FSHR: variants seen among roughly 807,000 people sequenced by gnomAD.
The protein encoded by FSHR is follicle-stimulating hormone receptor.
In FSHR, 46 loss-of-function variants were observed where a neutral mutation model predicts 52.1. The observed-to-expected ratio is 0.88, with a 90% CI of 0.70 to 1.13. The LOEUF (loss-of-function observed/expected upper bound fraction) is 1.13. Among genes scored for constraint, FSHR ranks in the 50% most tolerant of loss-of-function variants. The probability of loss-of-function intolerance (pLI) is 0.00; values close to 1 mark genes in which losing one functional copy is unlikely to be tolerated. For missense variants in FSHR, 964 were observed against 834.6 expected (o/e 1.16, Z -1.91); for synonymous variants, 399 against 309.6 (o/e 1.29, Z -3.03).
At chr2:49,114,502 T>C (rs904305715) in intron 1 of FSHR, among the ~76,000 whole-genome samples, 8 of 152,176 alleles carry the variant, frequency 5.3e-5, no homozygotes, top group Non-Finnish European at 1.0e-4. Flanking sequence ...GGAAGTTCCA[T>C]CTTCAGACTG....
intron 1 of FSHR, among the ~76,000 whole-genome samples, chr2:49,138,149 A>T (rs557981876): frequency 1.3e-5 from 2 of 152,318 alleles, no homozygotes; most frequent in South Asian, 4.1e-4. Context: ...GGGAAAGGCA[A>T]ATAAAAACCA....
intron 1 of FSHR, among the ~76,000 whole-genome samples, chr2:49,135,529 C>A (rs1250174854): frequency 6.6e-6 from 1 of 151,978 alleles, no homozygotes; most frequent in Non-Finnish European, 1.5e-5. Flanking sequence ...AAATTAATAA[C>A]CCAACCTTCA....
intron 4 of FSHR, among the ~76,000 whole-genome samples, chr2:49,000,578 A>G (rs1210115249): frequency 1.3e-5 from 2 of 152,164 alleles, no homozygotes; most frequent in Non-Finnish European, 2.9e-5. Context: ...AACCAGTTAC[A>G]CAATTCTTAA....
chr2:49,082,793 G>GA (rs1225841912), intron 1 of FSHR, among the ~76,000 whole-genome samples: 1 of 152,106 alleles, frequency 6.6e-6, no homozygotes, highest in African/African-American at 2.4e-5. Context: ...GAAGTTTAGA[G>GA]AAAAAAGAAT....
chr2:48,988,988 T>C lies in FSHR; in HGVS notation c.513A>G (p.Glu171=). ...TCCCCCTTACTTACAGAATCACACT[T>C]TCAAAGCTCAGCCCCACGAAAGAAT... ...ERNSFVGLSF[E]SVILWLNKNG... The change falls in exon 6 of 10, where the codon GAA becomes GAG. Residue 171 remains glutamate (E), a synonymous_variant. Coordinates refer to ENST00000406846, the MANE Select transcript of FSHR (RefSeq NM_000145.4). 2 of 1,613,802 alleles carry C rather than the reference T, an allele frequency of 1.2e-6. No homozygotes were observed. Among genetic ancestry groups the C allele is most frequent in the Non-Finnish European group, 8.5e-7 (1 of 1,179,746 alleles).
chr2:48,964,059 C>G, intron 9 of FSHR, 93 bp from the exon 10 acceptor site: 1 of 1,350,306 alleles, frequency 7.4e-7, no homozygotes, highest in Non-Finnish European at 1.0e-6. Flanking sequence ...TGATGAGTTT[C>G]TTCCTGAGAT....
chr2:48,997,310 A>T, intron 4 of FSHR: 1 of 985,024 alleles, frequency 1.0e-6, no homozygotes, highest in Non-Finnish European at 1.2e-6. Context: ...TCTCATATTT[A>T]ACTGGAACTC....
chr2:49,037,372 T>C (rs987035460), intron 2 of FSHR, among the ~76,000 whole-genome samples: 2 of 152,220 alleles, frequency 1.3e-5, no homozygotes, highest in Admixed American at 1.3e-4. Flanking sequence ...GTGATCCCCA[T>C]TGAACACACT....
At chr2:49,086,419 G>T (rs1670393984) in intron 1 of FSHR, among the ~76,000 whole-genome samples, 1 of 152,144 alleles carries the variant, frequency 6.6e-6, no homozygotes, top group African/African-American at 2.4e-5. Flanking sequence ...TAAGTTGTCA[G>T]TGAGTCAGAG....
chr2:49,005,800 A>G (rs1416189248), intron 4 of FSHR, among the ~76,000 whole-genome samples: 1 of 152,176 alleles, frequency 6.6e-6, no homozygotes, highest in Non-Finnish European at 1.5e-5. Flanking sequence ...GTGATGGTTA[A>G]TATTGAGTGC....
At chr2:49,009,022 C>T (rs12477939) in intron 4 of FSHR, among the ~76,000 whole-genome samples, 97,874 of 146,420 alleles carry the variant, frequency 0.67, 34,143 homozygotes, top group Admixed American at 0.77. Context: ...GCAGAAGCTC[C>T]TTACTTTAAT....
At chr2:48,995,309 G>A (rs1488152449) in intron 4 of FSHR, among the ~76,000 whole-genome samples, 1 of 152,114 alleles carries the variant, frequency 6.6e-6, no homozygotes, top group Non-Finnish European at 1.5e-5. Flanking sequence ...GCTACTGATT[G>A]TGAATGCTTT....
Position 48,962,417 on chromosome 2 carries a change from G to T in FSHR, c.*316C>A. 1 of 340,036 alleles carries T rather than the reference G, an allele frequency of 2.9e-6. No homozygotes were observed. 21.1% of individuals were successfully genotyped at this position (340,036 alleles called of 1,614,324 possible). On this transcript the variant is annotated 3_prime_UTR_variant, in exon 10 of 10. Coordinates refer to ENST00000406846, the MANE Select transcript of FSHR (RefSeq NM_000145.4). ...TTGTAAAACTCCAAGAATAATCCCT[G>T]TCCTGCTTATTTAACAGGGATCACT...
intron 1 of FSHR, among the ~76,000 whole-genome samples, chr2:49,142,866 T>C (rs1001357749): frequency 6.6e-6 from 1 of 152,124 alleles, no homozygotes; most frequent in African/African-American, 2.4e-5. Context: ...AGTGACAGTT[T>C]GGTGACATGT....
In FSHR at chr2:48,963,084, G is replaced by A; in HGVS notation, c.1737C>T (p.Phe579=). ...TGGGTGCCATGCAGAGGAAGTCAGT[G>A]AAGATGAGCATGGCCATGCGCTTGG... is the stretch of plus-strand genomic sequence containing the variant. ...RIAKRMAMLI[F]TDFLCMAPIS... is the part of the protein sequence containing the mutation. Residue 579 remains phenylalanine (F), a synonymous_variant, in exon 10 of 10, where the codon TTC becomes TTT. Coordinates refer to ENST00000406846, the MANE Select transcript of FSHR (RefSeq NM_000145.4). 6.2e-7 allele frequency: 1 copy of A among 1,614,102 alleles called. No individual in the cohort carries two copies. Among genetic ancestry groups the A allele is most frequent in the Non-Finnish European group, 8.5e-7 (1 of 1,179,996 alleles).
At chr2:48,989,846 C>A (rs955238073) in intron 5 of FSHR, among the ~76,000 whole-genome samples, 1 of 152,124 alleles carries the variant, frequency 6.6e-6, no homozygotes, top group Non-Finnish European at 1.5e-5. Flanking sequence ...GTCAACCTTC[C>A]CTGTTAGGTC....
intron 9 of FSHR, among the ~76,000 whole-genome samples, chr2:48,966,084 T>C (rs1270699987): frequency 1.3e-5 from 2 of 152,096 alleles, no homozygotes; most frequent in African/African-American, 2.4e-5. Flanking sequence ...TTAGTATCTC[T>C]GAGCCTTAGT....
intron 1 of FSHR, among the ~76,000 whole-genome samples, chr2:49,070,629 A>G (rs1201726907): frequency 2.6e-5 from 4 of 152,270 alleles, no homozygotes; most frequent in Admixed American, 2.6e-4. Context: ...CTATTTAATA[A>G]TGTCAACTAC....
At position 48,963,450 on chromosome 2, in the gene FSHR, G is replaced by T; in HGVS notation, c.1371C>A (p.Val457=). ...CCAAGGTGATAGCTGTCAGAGTGTA[G>T]ACTGACAGCTCACTGGCAAAGACAG... is the stretch of plus-strand genomic sequence containing the variant. ...FFTVFASELS[V]YTLTAITLER... The change falls in exon 10 of 10, where the codon GTC becomes GTA. Residue 457 remains valine, a synonymous_variant. Coordinates refer to ENST00000406846, the MANE Select transcript of FSHR (RefSeq NM_000145.4). The T allele has an allele frequency of 1.2e-6, 2 of 1,614,156 alleles. No individual in the cohort carries two copies. Among genetic ancestry groups the T allele is most frequent in the Non-Finnish European group, 1.7e-6 (2 of 1,180,014 alleles).
Sources: allele counts gnomAD v4.1 joint callset (sites outside exome capture counted in the v4.1 genomes callset), GRCh38; gene constraint gnomAD v4.1.1; transcripts MANE v1.5; gene names NCBI Gene and HGNC (gene_info 2026-07-23, HGNC 2026-07-21).